Variants in ABTB3 observed in about 807,000 individuals in gnomAD.
The protein encoded by ABTB3 is ankyrin repeat- and BTB/POZ domain-containing protein 3.
At chr12:107,388,590 C>G in the ABTB3 span, among the ~76,000 whole-genome samples, 1 of 151,556 alleles carries the variant, frequency 6.6e-6, no homozygotes, top group East Asian at 1.9e-4. Flanking sequence ...TTCTTCTTCC[C>G]TCTTCCTCTC....
At chr12:107,420,070 T>A in the ABTB3 span, among the ~76,000 whole-genome samples, 1 of 152,156 alleles carries the variant, frequency 6.6e-6, no homozygotes, top group Non-Finnish European at 1.5e-5. Flanking sequence ...GATGTGCACG[T>A]TGGAAAGATG....
At chr12:107,391,773 C>T in the ABTB3 span, among the ~76,000 whole-genome samples, 3 of 152,166 alleles carry the variant, frequency 2.0e-5, no homozygotes, top group Non-Finnish European at 4.4e-5. Flanking sequence ...GCATTCTTAG[C>T]CCAAGGTTCA....
At chr12:107,558,348 A>G in the ABTB3 span, among the ~76,000 whole-genome samples, 2 of 152,212 alleles carry the variant, frequency 1.3e-5, no homozygotes, top group Admixed American at 6.5e-5. Flanking sequence ...GCCATCCAGC[A>G]ACAACAGCTT....
At chr12:107,477,352 AAAGAAAG>A in the ABTB3 span, among the ~76,000 whole-genome samples, 4 of 152,164 alleles carry the variant, frequency 2.6e-5, no homozygotes, top group African/African-American at 9.7e-5. Context: ...TGAAAATGAC[AAAGAAAG>A]CTGTATTTCT....
the ABTB3 span, among the ~76,000 whole-genome samples, chr12:107,494,577 G>A: frequency 6.6e-6 from 1 of 152,204 alleles, no homozygotes; most frequent in East Asian, 1.9e-4. Flanking sequence ...GGTGCCAGGA[G>A]CCAAAAGGTC....
the ABTB3 span, among the ~76,000 whole-genome samples, chr12:107,401,426 G>T: frequency 1.3e-5 from 2 of 152,172 alleles, no homozygotes; most frequent in African/African-American, 2.4e-5. Context: ...CACCTCTCCA[G>T]TCACCAGCAT....
chr12:107,365,181 T>TCA, the ABTB3 span, among the ~76,000 whole-genome samples: 3 of 152,224 alleles, frequency 2.0e-5, no homozygotes, highest in Non-Finnish European at 4.4e-5. Flanking sequence ...AGTGCCCACA[T>TCA]CACAGGGTTG....
the ABTB3 span, among the ~76,000 whole-genome samples, chr12:107,326,421 T>C: frequency 0.16 from 24,043 of 152,102 alleles, 2,395 homozygotes; most frequent in East Asian, 0.29. Flanking sequence ...AGCCAGTAGG[T>C]AGAGGGAGAC....
chr12:107,640,595 C>T, the ABTB3 span, among the ~76,000 whole-genome samples: 2 of 152,214 alleles, frequency 1.3e-5, no homozygotes, highest in African/African-American at 4.8e-5. Flanking sequence ...GCCCTCTCCT[C>T]TGGGCACATA....
chr12:107,528,141 C>T, the ABTB3 span, among the ~76,000 whole-genome samples: 1 of 152,076 alleles, frequency 6.6e-6, no homozygotes, highest in Non-Finnish European at 1.5e-5. Context: ...ACTCTTTGTC[C>T]TAGGGTGGTC....
At chr12:107,354,097 A>G in the ABTB3 span, among the ~76,000 whole-genome samples, 1 of 152,174 alleles carries the variant, frequency 6.6e-6, no homozygotes, top group African/African-American at 2.4e-5. Context: ...CAACACCGCA[A>G]ATACGATACA....
the ABTB3 span, among the ~76,000 whole-genome samples, chr12:107,454,363 G>A: frequency 6.6e-6 from 1 of 152,238 alleles, no homozygotes; most frequent in Non-Finnish European, 1.5e-5. Flanking sequence ...CCAACCACGG[G>A]TGCTCTGCAC....
chr12:107,589,913 A>AT, the ABTB3 span, among the ~76,000 whole-genome samples: 2 of 151,862 alleles, frequency 1.3e-5, no homozygotes, highest in South Asian at 2.1e-4. Flanking sequence ...TCCTGGACTA[A>AT]TTTTTTTTCT....
chr12:107,503,347 G>A, the ABTB3 span, among the ~76,000 whole-genome samples: 3 of 152,120 alleles, frequency 2.0e-5, no homozygotes, highest in Non-Finnish European at 2.9e-5. Flanking sequence ...TTTGAAAAGT[G>A]TGCTTGCTGG....
chr12:107,525,589 C>T, the ABTB3 span, among the ~76,000 whole-genome samples: 1 of 152,110 alleles, frequency 6.6e-6, no homozygotes, highest in Admixed American at 6.6e-5. Flanking sequence ...CTATGATGTT[C>T]GTCCAACAAT....
At chr12:107,455,460 C>T in the ABTB3 span, among the ~76,000 whole-genome samples, 4 of 149,792 alleles carry the variant, frequency 2.7e-5, no homozygotes, top group South Asian at 2.1e-4. Flanking sequence ...GGTGTTGTTT[C>T]CCCTACAGAT....
At chr12:107,469,866 T>TTTTTTCTTTC in the ABTB3 span, among the ~76,000 whole-genome samples, 65 of 75,598 alleles carry the variant, frequency 8.6e-4, 3 homozygotes, top group Non-Finnish European at 1.0e-3. Context: ...TCTTTCTTTC[T>TTTTTTCTTTC]TTTCTTTCTT....
the ABTB3 span, among the ~76,000 whole-genome samples, chr12:107,452,202 A>G: frequency 1.8e-5 from 2 of 110,208 alleles, no homozygotes; most frequent in Non-Finnish European, 3.6e-5. Context: ...GCCCATATGA[A>G]TTTTTTTTTT....
At chr12:107,404,340 C>A in the ABTB3 span, among the ~76,000 whole-genome samples, 1 of 152,138 alleles carries the variant, frequency 6.6e-6, no homozygotes, top group Non-Finnish European at 1.5e-5. Context: ...CTTGCTTCCA[C>A]AGCAAAATCT....
Sources: gnomAD v4.1 joint callset for allele counts (sites outside exome capture counted in the v4.1 genomes callset) on GRCh38, gnomAD v4.1.1 for gene constraint, MANE v1.5 for transcripts, NCBI Gene and HGNC (gene_info 2026-07-23, HGNC 2026-07-21) for gene names.